Variants in DYNC1LI1 observed in about 807,000 individuals in gnomAD.
DYNC1LI1 encodes cytoplasmic dynein 1 light intermediate chain 1.
In DYNC1LI1, 19 loss-of-function variants were observed where a neutral mutation model predicts 63.8. The ratio of observed to expected loss-of-function variants is 0.30; its 90% confidence interval spans 0.21 to 0.44. The LOEUF (loss-of-function observed/expected upper bound fraction) is 0.44. Among genes scored for constraint, DYNC1LI1 ranks in the 20% least tolerant of loss-of-function variants. The probability of loss-of-function intolerance (pLI) is 1.00; values close to 1 mark genes in which losing one functional copy is unlikely to be tolerated. For synonymous variants in DYNC1LI1, 225 were observed against 232.3 expected (o/e 0.97, Z 0.28); for missense variants, 565 against 630.2 (o/e 0.90, Z 1.11).
intron 8 of DYNC1LI1, chr3:32,531,688 A>G (rs762860398): frequency 6.6e-6 from 1 of 152,170 alleles, no homozygotes; most frequent in African/African-American, 2.4e-5. Context: ...CTTATTACTA[A>G]TAATAACCCA....
chr3:32,568,120 G>A (rs2125447730), intron 2 of DYNC1LI1, among the ~76,000 whole-genome samples: 1 of 152,268 alleles, frequency 6.6e-6, no homozygotes, highest in African/African-American at 2.4e-5. Context: ...ACAGGCGTGG[G>A]CCACTGTGCC....
intron 2 of DYNC1LI1, chr3:32,566,624 G>C (rs1338072078): frequency 2.9e-6 from 1 of 341,130 alleles, no homozygotes; most frequent in African/African-American, 2.2e-5. Flanking sequence ...TGTAATCCCA[G>C]CTACGCAGGA....
In DYNC1LI1 at chr3:32,545,913, C is replaced by T. The variant is rs764182833; in HGVS notation, c.273G>A (p.Glu91=). ...TSLIRKIQGI[E]EYKKGRGLEY... Reference sequence around the variant, plus strand: ...CCAATCCTCTTCCTTTCTTATACTCCTCTATTCCCTGAATTTTTCTTATTA... The same window carrying T: ...CCAATCCTCTTCCTTTCTTATACTCTTCTATTCCCTGAATTTTTCTTATTA... Residue 91 remains glutamate, a synonymous_variant, in exon 3 of 13, where the codon GAG becomes GAA. Transcript: ENST00000273130. 11 of 1,613,090 alleles carry T rather than the reference C, an allele frequency of 6.8e-6. No homozygotes were observed. In the South Asian group the frequency reaches 1.1e-4, roughly 16 times the overall value.
chr3:32,536,045 AC>A (rs1697769627), intron 6 of DYNC1LI1, among the ~76,000 whole-genome samples: 1 of 152,162 alleles, frequency 6.6e-6, no homozygotes, highest in Non-Finnish European at 1.5e-5. Flanking sequence ...CTTTAACTCA[AC>A]CAACTCAGCC....
rs781633808 is a variant in DYNC1LI1 at position 32,570,189 on chromosome 3, C to G, written c.220+157G>C. ...GGTCCTGGGTCAAGGGTCTCGTGTT[C>G]CCCTTCTCTCCCAGCCATCCGCGAC... is the stretch of plus-strand genomic sequence containing the variant. On this transcript the variant is annotated intron_variant, in intron 2 of 12. Coordinates refer to ENST00000273130, the MANE Select transcript of DYNC1LI1 (RefSeq NM_016141.4). 1.1e-5 allele frequency: 8 copies of G among 732,828 alleles called. No individual in the cohort carries two copies. The Admixed American group carries it at 1.6e-4, about 15-fold the overall frequency. The allele number at this position is 732,828 out of a possible 1,614,324, so 45.4% of individuals were successfully genotyped here.
intron 4 of DYNC1LI1, among the ~76,000 whole-genome samples, chr3:32,543,981 C>G (rs1240616424): frequency 6.7e-6 from 1 of 150,338 alleles, no homozygotes; most frequent in African/African-American, 2.5e-5. Context: ...ATGGCTTGAG[C>G]TGGTGGGGGG....
chr3:32,539,530 C>CTATTATTAT (rs564751442), intron 5 of DYNC1LI1, among the ~76,000 whole-genome samples: 1 of 150,880 alleles, frequency 6.6e-6, no homozygotes, highest in African/African-American at 2.4e-5. Flanking sequence ...TGAAATTGAT[C>CTATTATTAT]TATTATTATT....
rs138172632 is a variant in DYNC1LI1 at position 32,536,574 on chromosome 3, T to C, written c.832+437A>G. On this transcript the variant is annotated intron_variant, in intron 6 of 12. Coordinates refer to ENST00000273130, the MANE Select transcript of DYNC1LI1 (RefSeq NM_016141.4). ...AATACTCCAATCCAATATGTCTAGA[T>C]AGGCAGAGCCAGATTTTGAAACCAC... is the stretch of plus-strand genomic sequence containing the variant. Among the ~76,000 whole-genome samples the C allele has an allele frequency of 3.3e-4, 50 of 152,274 alleles. 1 individual carries two copies. The highest frequency in any genetic ancestry group is 9.9e-4 in the African/African-American group (41 of 41,576).
chr3:32,533,315 G>GA (rs1215706656), intron 7 of DYNC1LI1, among the ~76,000 whole-genome samples: 1 of 151,810 alleles, frequency 6.6e-6, no homozygotes, highest in East Asian at 1.9e-4. Flanking sequence ...AAATAAAAAA[G>GA]AAAAAAAATT....
intron 5 of DYNC1LI1, among the ~76,000 whole-genome samples, chr3:32,537,961 AATATATATATATTTATATATAAT>A (rs1559436250): frequency 0.24 from 1,740 of 7,246 alleles, 223 homozygotes; most frequent in African/African-American, 0.4. Flanking sequence ...TTATATATAT[AATATATATATATTTATATATAAT>A]ATATATATAT....
In DYNC1LI1 at chr3:32,526,650, T is replaced by G. The variant is rs1200261139; in HGVS notation, c.*149A>C. 2.0e-5 allele frequency: 10 copies of G among 503,640 alleles called. No individual in the cohort carries two copies. The allele number at this position is 503,640 out of a possible 1,614,324, so 31.2% of individuals were successfully genotyped here. A position where few individuals can be genotyped will look rare whatever the true frequency, so the allele number is the denominator to read the frequency against. ...TGTACGGCTCCTTCTAAAAAATGGG[T>G]AACCACACACACACACACACACACA... is the stretch of plus-strand genomic sequence containing the variant. On this transcript the variant is annotated 3_prime_UTR_variant, in exon 13 of 13. Transcript: ENST00000273130.
intron 2 of DYNC1LI1, among the ~76,000 whole-genome samples, chr3:32,566,085 A>C (rs559542760): frequency 2.5e-4 from 38 of 152,284 alleles, no homozygotes; most frequent in African/African-American, 9.1e-4. Context: ...CAGCTTGGGC[A>C]ACACGGTGAG....
Position 32,527,210 on chromosome 3 carries a change from C to T in DYNC1LI1, c.1463-302G>A, listed in dbSNP as rs780002266. Among the ~76,000 whole-genome samples, 74 of 152,246 alleles carry T rather than the reference C, an allele frequency of 4.9e-4. 1 individual carries two copies. Among genetic ancestry groups the T allele is most frequent in the Admixed American group, 1.7e-3 (26 of 15,300 alleles). On this transcript the variant is annotated intron_variant, in intron 12 of 12. Coordinates refer to ENST00000273130, the MANE Select transcript of DYNC1LI1 (RefSeq NM_016141.4). ...TACTTGGGAGGCTGAGGCAGGAGAA[C>T]TGCTTGAACCCGGCAGGTGGAGGTT...
intron 2 of DYNC1LI1, among the ~76,000 whole-genome samples, chr3:32,548,931 T>C (rs1319316904): frequency 6.6e-6 from 1 of 152,116 alleles, no homozygotes; most frequent in Non-Finnish European, 1.5e-5. Flanking sequence ...CAAAGTACCA[T>C]TAAACTGGCC....
intron 5 of DYNC1LI1, among the ~76,000 whole-genome samples, chr3:32,539,000 C>T (rs1697840913): frequency 6.6e-6 from 1 of 152,086 alleles, no homozygotes; most frequent in African/African-American, 2.4e-5. Context: ...ATACTGATTC[C>T]GGACCCTTTA....
At chr3:32,566,626 T>C (rs1460619881) in intron 2 of DYNC1LI1, 4 of 342,660 alleles carry the variant, frequency 1.2e-5, no homozygotes, top group South Asian at 8.5e-5. Context: ...TAATCCCAGC[T>C]ACGCAGGAGG....
At chr3:32,561,973 G>A (rs777491388) in intron 2 of DYNC1LI1, among the ~76,000 whole-genome samples, 1 of 151,930 alleles carries the variant, frequency 6.6e-6, no homozygotes, top group East Asian at 1.9e-4. Context: ...TATTCACATA[G>A]AGAAAATGAA....
At chr3:32,536,932 CAATTT>C (rs1259331359) in intron 6 of DYNC1LI1, 74 bp downstream of exon 6, 2 of 758,078 alleles carry the variant, frequency 2.6e-6, no homozygotes, top group Admixed American at 2.9e-5. Flanking sequence ...TCAAGTCCAT[CAATTT>C]AATTCTTTTA....
intron 4 of DYNC1LI1, among the ~76,000 whole-genome samples, chr3:32,542,609 T>A (rs1697897452): frequency 6.6e-6 from 1 of 152,286 alleles, no homozygotes; most frequent in African/African-American, 2.4e-5. Context: ...GGTTTCATCA[T>A]ATCGGCCAGG....
Sources: allele counts gnomAD v4.1 joint callset (sites outside exome capture counted in the v4.1 genomes callset), GRCh38; gene constraint gnomAD v4.1.1; transcripts MANE v1.5; gene names NCBI Gene and HGNC (gene_info 2026-07-23, HGNC 2026-07-21).